The following PTPRT variants were observed in gnomAD, a reference collection of about 807,000 sequenced individuals.
The protein encoded by PTPRT is protein tyrosine phosphatase receptor type T, also known as receptor-type tyrosine-protein phosphatase T.
PTPRT carries 56 observed loss-of-function variants against 176.8 expected under a neutral mutation model. The ratio of observed to expected loss-of-function variants is 0.32; its 90% CI spans 0.26 to 0.40. The LOEUF (loss-of-function observed/expected upper bound fraction) is 0.40, where lower values mean the gene tolerates loss of function less well. PTPRT is among the 10% of genes least tolerant of loss of function. PTPRT has a pLI of 1.00. For missense variants in PTPRT, 1,540 were observed against 1,908.2 expected, an observed-to-expected ratio of 0.81 and a Z score of 3.60; for synonymous variants, 783 against 739.0, an observed-to-expected ratio of 1.06 and a Z score of -0.96.
chr20:42,190,369 A>G (rs1469734087), intron 16 of PTPRT, among the ~76,000 whole-genome samples: 1 of 152,198 alleles, frequency 6.6e-6, no homozygotes, highest in Non-Finnish European at 1.5e-5. Flanking sequence ...TGAGATTCCC[A>G]GATTCGGGGA....
chr20:42,716,451 T>C (rs1332051591), intron 6 of PTPRT, among the ~76,000 whole-genome samples: 2 of 152,190 alleles, frequency 1.3e-5, no homozygotes, highest in Non-Finnish European at 2.9e-5. Context: ...TTCCAACTGG[T>C]GTGAGATGGT....
At chr20:42,062,650 C>T in the PTPRT span, among the ~76,000 whole-genome samples, 1 of 152,192 alleles carries the variant, frequency 6.6e-6, no homozygotes, top group African/African-American at 2.4e-5. Context: ...GGCCTGATTT[C>T]TTGCTGGGCC....
At chr20:43,024,335 G>C (rs1191568932) in intron 1 of PTPRT, among the ~76,000 whole-genome samples, 1 of 151,938 alleles carries the variant, frequency 6.6e-6, no homozygotes, top group Non-Finnish European at 1.5e-5. Flanking sequence ...TAATGCAAGA[G>C]GGGGTAAAAA....
At chr20:42,725,686 C>A (rs375399495) in intron 6 of PTPRT, among the ~76,000 whole-genome samples, 1 of 151,976 alleles carries the variant, frequency 6.6e-6, no homozygotes. Flanking sequence ...GGCGAGGTTG[C>A]GCAGAAATAG....
intron 15 of PTPRT, among the ~76,000 whole-genome samples, chr20:42,230,018 C>T (rs1365008752): frequency 1.3e-5 from 2 of 152,210 alleles, no homozygotes; most frequent in Non-Finnish European, 2.9e-5. Flanking sequence ...GAGCAAGCAA[C>T]ATCCTTAAGA....
At chr20:42,477,676 T>C (rs757141976) in intron 7 of PTPRT, among the ~76,000 whole-genome samples, 5 of 152,210 alleles carry the variant, frequency 3.3e-5, no homozygotes, top group South Asian at 2.1e-4. Context: ...CTAGAGCCTA[T>C]GGTTTCTGCC....
intron 16 of PTPRT, among the ~76,000 whole-genome samples, chr20:42,188,927 C>T (rs150930214): frequency 6.6e-6 from 1 of 152,306 alleles, no homozygotes; most frequent in African/African-American, 2.4e-5. Context: ...TGATAAAATG[C>T]ACTCTGCTTA....
At chr20:42,734,016 C>A (rs930203934) in intron 6 of PTPRT, among the ~76,000 whole-genome samples, 3 of 152,192 alleles carry the variant, frequency 2.0e-5, no homozygotes, top group Non-Finnish European at 4.4e-5. Flanking sequence ...CCATGTCTCC[C>A]AATTCAGACC....
chr20:42,237,568 T>C (rs1445014284), intron 14 of PTPRT, among the ~76,000 whole-genome samples: 1 of 152,234 alleles, frequency 6.6e-6, no homozygotes, highest in Non-Finnish European at 1.5e-5. Context: ...TATTTTATAC[T>C]TTGAAGTTTC....
chr20:42,981,136 A>T (rs191572349), intron 1 of PTPRT, among the ~76,000 whole-genome samples: 1 of 152,330 alleles, frequency 6.6e-6, no homozygotes, highest in Non-Finnish European at 1.5e-5. Flanking sequence ...ACCTGATTAC[A>T]ATGGTCTTGA....
At chr20:42,950,688 G>A (rs529320436) in intron 1 of PTPRT, among the ~76,000 whole-genome samples, 2 of 152,134 alleles carry the variant, frequency 1.3e-5, no homozygotes, top group African/African-American at 2.4e-5. Flanking sequence ...AATTGGGTAC[G>A]TGTTTTACAT....
chr20:42,395,699 A>G lies in PTPRT; in HGVS notation c.1561-43414T>C, dbSNP rs554707283. ...TCACCAATGACCTCTCTGTTGCTGCATCTAATGGTCAATTCTCAGTCCTTA... is the reference window on the plus strand; with the variant it reads ...TCACCAATGACCTCTCTGTTGCTGCGTCTAATGGTCAATTCTCAGTCCTTA... On this transcript the variant is annotated intron_variant, in intron 9 of 30. Coordinates refer to ENST00000373187, the MANE Select transcript of PTPRT (RefSeq NM_007050.6). 4.7e-4 allele frequency among the ~76,000 whole-genome samples: 72 copies of G among 152,236 alleles called. 1 individual carries two copies. Among genetic ancestry groups the G allele is most frequent in the Non-Finnish European group, 8.2e-4 (56 of 68,022 alleles).
chr20:43,179,954 C>A (rs748183423), intron 1 of PTPRT, among the ~76,000 whole-genome samples: 3 of 152,122 alleles, frequency 2.0e-5, no homozygotes, highest in African/African-American at 7.2e-5. Context: ...GCCCAGCTAG[C>A]TGGTAAGATG....
At chr20:42,776,356 T>C (rs532972724) in intron 4 of PTPRT, among the ~76,000 whole-genome samples, 3 of 152,312 alleles carry the variant, frequency 2.0e-5, no homozygotes, top group South Asian at 4.1e-4. Flanking sequence ...TTTAAAGACA[T>C]GATTAAATTA....
At position 42,084,690 on chromosome 20, in the gene PTPRT, G is replaced by A; in HGVS notation, c.4128C>T (p.Val1376=). 6.6e-7 allele frequency: 1 copy of A among 1,524,022 alleles called. No individual in the cohort carries two copies. The highest frequency in any genetic ancestry group is 8.9e-7 in the Non-Finnish European group (1 of 1,127,864). The allele number at this position is 1,524,022 out of a possible 1,614,324, so 94.4% of individuals were successfully genotyped here. The change falls in exon 29 of 31, where the codon GTC becomes GTT. Residue 1376 remains valine (V), a synonymous_variant. Coordinates refer to ENST00000373187, the MANE Select transcript of PTPRT (RefSeq NM_007050.6). ...QYDGREGRTV[V]HCLNGGGRSG... is the part of the protein sequence containing the mutation. ...ACCTCCCTAGTACTCACAGGCAGTG[G>A]ACCACAGTACGTCCCTCCCTCCCGT... is the stretch of plus-strand genomic sequence containing the variant.
At chr20:43,088,429 C>G (rs191958142) in intron 1 of PTPRT, among the ~76,000 whole-genome samples, 2 of 150,368 alleles carry the variant, frequency 1.3e-5, no homozygotes, top group Non-Finnish European at 1.5e-5. Flanking sequence ...CCAACATCAT[C>G]GTGAATCCAC....
chr20:42,670,512 G>T (rs183467976), intron 7 of PTPRT, among the ~76,000 whole-genome samples: 4 of 152,134 alleles, frequency 2.6e-5, no homozygotes, highest in African/African-American at 9.7e-5. Context: ...TCCCCCTGGA[G>T]AAAAGAGAGA....
intron 1 of PTPRT, among the ~76,000 whole-genome samples, chr20:43,062,531 T>C (rs1454514150): frequency 6.6e-6 from 1 of 152,236 alleles, no homozygotes; most frequent in Non-Finnish European, 1.5e-5. Flanking sequence ...CTGGGAGATC[T>C]TGAACTGCTA....
intron 16 of PTPRT, among the ~76,000 whole-genome samples, chr20:42,198,662 C>T (rs1991327028): frequency 1.3e-5 from 2 of 152,334 alleles, no homozygotes; most frequent in South Asian, 2.1e-4. Flanking sequence ...TGCACAAGGA[C>T]TCAGGTGCCC....
Sources: allele counts gnomAD v4.1 joint callset (sites outside exome capture counted in the v4.1 genomes callset), GRCh38; gene constraint gnomAD v4.1.1; transcripts MANE v1.5; gene names NCBI Gene and HGNC (gene_info 2026-07-23, HGNC 2026-07-21).